Variants in ITGA9 observed in about 807,000 individuals in gnomAD.
ITGA9 encodes integrin alpha-9.
In ITGA9, 56 loss-of-function variants were observed where a neutral mutation model predicts 127.8. That is an observed-to-expected ratio of 0.44 (90% CI 0.35 to 0.55). ITGA9 has a LOEUF of 0.55. Ranked by LOEUF, ITGA9 falls within the 20% of genes least tolerant of loss-of-function variation. The pLI is 0.00. For synonymous variants in ITGA9, 508 were observed against 514.5 expected, an observed-to-expected ratio of 0.99 and a Z score of 0.17; for missense variants, 1,196 against 1,347.1, an observed-to-expected ratio of 0.89 and a Z score of 1.76.
Position 37,559,643 on chromosome 3 carries a change from C to A in ITGA9, c.1689+17058C>A, listed in dbSNP as rs180892862. 9.2e-5 allele frequency among the ~76,000 whole-genome samples: 14 copies of A among 152,312 alleles called. No individual in the cohort carries two copies. In the East Asian group the frequency reaches 2.5e-3, roughly 27 times the overall value. ...ATACACTCTGTTGCACGTGCCTGTCCAGCTTACTTAAAATATGTCAGAAAG... is the reference window on the plus strand; with the variant it reads ...ATACACTCTGTTGCACGTGCCTGTCAAGCTTACTTAAAATATGTCAGAAAG... On this transcript the variant is annotated intron_variant, in intron 15 of 27. Transcript: ENST00000264741.
intron 23 of ITGA9, among the ~76,000 whole-genome samples, chr3:37,766,422 T>C (rs1696781023): frequency 6.6e-6 from 1 of 152,220 alleles, no homozygotes; most frequent in African/African-American, 2.4e-5. Context: ...GTTTCACTTT[T>C]CACTGCTCTG....
At chr3:37,795,854 G>A (rs568568964) in intron 26 of ITGA9, among the ~76,000 whole-genome samples, 3 of 152,290 alleles carry the variant, frequency 2.0e-5, no homozygotes, top group Admixed American at 6.5e-5. Flanking sequence ...GCCCTCTCAC[G>A]GGGGCTTTTT....
chr3:37,533,262 C>T, intron 13 of ITGA9, 52 bp from the exon 14 acceptor site: 4 of 1,568,476 alleles, frequency 2.6e-6, no homozygotes, highest in Non-Finnish European at 2.6e-6. Flanking sequence ...TTGTTTGGTT[C>T]TGAGAGCTGC....
intron 15 of ITGA9, among the ~76,000 whole-genome samples, chr3:37,580,143 G>C (rs1699696389): frequency 6.6e-6 from 1 of 152,110 alleles, no homozygotes; most frequent in Non-Finnish European, 1.5e-5. Flanking sequence ...TCAGTAGATT[G>C]TTGGGGAGAA....
At chr3:37,788,288 T>C (rs1471114429) in intron 26 of ITGA9, among the ~76,000 whole-genome samples, 1 of 152,146 alleles carries the variant, frequency 6.6e-6, no homozygotes, top group Non-Finnish European at 1.5e-5. Flanking sequence ...CTCTGAGGTA[T>C]GCTGTTTTTT....
At chr3:37,476,203 C>G (rs1009460592) in intron 3 of ITGA9, among the ~76,000 whole-genome samples, 1 of 152,058 alleles carries the variant, frequency 6.6e-6, no homozygotes, top group Non-Finnish European at 1.5e-5. Context: ...GGGTATACAC[C>G]CGGAAGTGGG....
rs1160034276 is a variant in ITGA9 at position 37,741,646 on chromosome 3, T to A, written c.2235-84T>A. ...ATCTGCCCTTGGAGAATGTAGAGATTCAACTCTAAAGTGGAACAGAGAAAG... is the reference window on the plus strand; with the variant it reads ...ATCTGCCCTTGGAGAATGTAGAGATACAACTCTAAAGTGGAACAGAGAAAG... On this transcript the variant is annotated intron_variant, in intron 20 of 27. Coordinates refer to ENST00000264741, the MANE Select transcript of ITGA9 (RefSeq NM_002207.3). 68 of 1,061,052 alleles carry A rather than the reference T, an allele frequency of 6.4e-5. 1 individual carries two copies. The highest frequency in any genetic ancestry group is 1.6e-5 in the African/African-American group (1 of 63,608). The allele number at this position is 1,061,052 out of a possible 1,614,324, so 65.7% of individuals were successfully genotyped here.
At chr3:37,491,176 T>G (rs866615318) in intron 4 of ITGA9, among the ~76,000 whole-genome samples, 1 of 152,128 alleles carries the variant, frequency 6.6e-6, no homozygotes, top group South Asian at 2.1e-4. Context: ...GGGGTCTCAC[T>G]TTGTTCCCCA....
chr3:37,538,339 G>C (rs950378834), intron 14 of ITGA9, among the ~76,000 whole-genome samples: 2 of 152,250 alleles, frequency 1.3e-5, no homozygotes, highest in Non-Finnish European at 2.9e-5. Flanking sequence ...GTGCAGGGGG[G>C]CTCCTCGGGA....
chr3:37,772,030 C>T (rs138199361), intron 23 of ITGA9, among the ~76,000 whole-genome samples: 2 of 152,144 alleles, frequency 1.3e-5, no homozygotes, highest in Non-Finnish European at 2.9e-5. Flanking sequence ...GTGTCCCAGC[C>T]CAGTTCTGTG....
chr3:37,501,427 A>G (rs576562417), intron 5 of ITGA9, among the ~76,000 whole-genome samples: 18 of 152,344 alleles, frequency 1.2e-4, no homozygotes, highest in African/African-American at 4.1e-4. Context: ...AGTCAAGATT[A>G]TTAATTAAAA....
In ITGA9 at chr3:37,523,528, C is replaced by T; in HGVS notation, c.1244C>T (p.Ser415Phe). 1 of 1,613,472 alleles carries T rather than the reference C, an allele frequency of 6.2e-7. No individual in the cohort carries two copies. Among genetic ancestry groups the T allele is most frequent in the Non-Finnish European group, 8.5e-7 (1 of 1,179,584 alleles). ...GIVPQYSMKL[S>F]GQKINPVLRM... ...CCCTATTATCTGTTTCAGAAACTGT[C>T]TGGGCAGAAGATAAATCCAGTGCTC... Residue 415 changes from serine to phenylalanine, a missense_variant, in exon 12 of 28, where the codon TCT becomes TTT. By Grantham distance (155) the Ser-to-Phe change is radical (BLOSUM62 -2). Transcript: ENST00000264741.
intron 26 of ITGA9, among the ~76,000 whole-genome samples, chr3:37,791,151 C>T (rs549161006): frequency 6.6e-6 from 1 of 152,294 alleles, no homozygotes; most frequent in South Asian, 2.1e-4. Context: ...ACCCCTGAAG[C>T]CAGAAACTCC....
intron 15 of ITGA9, among the ~76,000 whole-genome samples, chr3:37,562,524 C>A (rs1006833829): frequency 1.3e-5 from 2 of 152,190 alleles, no homozygotes; most frequent in Admixed American, 6.5e-5. Context: ...CCTTGTTTTG[C>A]TCCTCATCAG....
intron 22 of ITGA9, chr3:37,745,601 G>A (rs956071731): frequency 6.6e-6 from 1 of 152,138 alleles, no homozygotes; most frequent in African/African-American, 2.4e-5. Context: ...TATTTAGAAG[G>A]GTTCAAGTAA....
chr3:37,639,415 A>G (rs1700311612), intron 16 of ITGA9, among the ~76,000 whole-genome samples: 1 of 152,184 alleles, frequency 6.6e-6, no homozygotes, highest in Admixed American at 6.5e-5. Context: ...AAGATGTTCT[A>G]TGGAGAAAAG....
At chr3:37,481,382 C>G in intron 3 of ITGA9, 102 bp from the exon 4 acceptor site, 2 of 1,499,294 alleles carry the variant, frequency 1.3e-6, no homozygotes, top group Non-Finnish European at 1.9e-6. Context: ...CCCTCTGCTC[C>G]TCTCTTCTCC....
At chr3:37,664,525 A>AT (rs1328089403) in intron 17 of ITGA9, among the ~76,000 whole-genome samples, 3 of 147,106 alleles carry the variant, frequency 2.0e-5, no homozygotes, top group Non-Finnish European at 4.4e-5. Context: ...GGCTCAAGCG[A>AT]TTCTCCTGCC....
At position 37,763,287 on chromosome 3, in the gene ITGA9, G is replaced by A. The variant is rs369446911; in HGVS notation, c.2541+12718G>A. ...ACGGAGTGGTCAGGGACAGTTTCAC[G>A]GAGACCTTTATTCAGAAGTTGCAGG... On this transcript the variant is annotated intron_variant, in intron 23 of 27. Transcript: ENST00000264741. Among the ~76,000 whole-genome samples the A allele has an allele frequency of 5.9e-5, 9 of 152,280 alleles. No homozygotes were observed. In the South Asian group the frequency reaches 1.2e-3, roughly 21 times the overall value.
Sources: allele counts gnomAD v4.1 joint callset (sites outside exome capture counted in the v4.1 genomes callset), GRCh38; gene constraint gnomAD v4.1.1; transcripts MANE v1.5; gene names NCBI Gene and HGNC (gene_info 2026-07-23, HGNC 2026-07-21).